The following FBXW4 variants were observed in gnomAD, a reference collection of about 807,000 sequenced individuals.
The protein encoded by FBXW4 is F-box/WD repeat-containing protein 4.
Under a neutral mutation model 61.8 loss-of-function variants are expected in FBXW4, and 40 were observed. The ratio of observed to expected loss-of-function variants is 0.65; its 90% CI spans 0.50 to 0.84. The LOEUF is 0.84. Among genes scored for constraint, FBXW4 ranks in the 40% least tolerant of loss-of-function variants. The pLI, the probability that FBXW4 is intolerant of heterozygous loss-of-function variation, is 0.00. For synonymous variants in FBXW4, 311 were observed against 313.8 expected (o/e 0.99, Z 0.10); for missense variants, 672 against 753.8 (o/e 0.89, Z 1.27).
chr10:101,612,498 T>C, intron 6 of FBXW4, 21 bp from the exon 7 acceptor site: 45 of 1,532,320 alleles, frequency 2.9e-5, no homozygotes, highest in Non-Finnish European at 3.9e-5. Context: ...AAGGACGGAG[T>C]GAGAGGCTGC....
At chr10:101,624,832 AAGTC>A in intron 5 of FBXW4, 22 bp from the exon 6 acceptor site, 1 of 1,614,110 alleles carries the variant, frequency 6.2e-7, no homozygotes, top group Non-Finnish European at 8.5e-7. Flanking sequence ...AAGGAGAACA[AAGTC>A]AGATCTGGCT....
intron 5 of FBXW4, among the ~76,000 whole-genome samples, chr10:101,657,393 G>A (rs1470386176): frequency 6.6e-6 from 1 of 152,220 alleles, no homozygotes; most frequent in Admixed American, 6.5e-5. Context: ...AACACTTTGG[G>A]AGGCCAAGGT....
At chr10:101,667,836 A>G in intron 5 of FBXW4, 50 bp downstream of exon 5, 1 of 1,487,196 alleles carries the variant, frequency 6.7e-7, no homozygotes, top group Non-Finnish European at 9.4e-7. Flanking sequence ...CTAGTAAAAT[A>G]AAAGCATTAT....
chr10:101,620,558 C>T (rs1198806534), intron 6 of FBXW4, among the ~76,000 whole-genome samples: 1 of 152,246 alleles, frequency 6.6e-6, no homozygotes, highest in East Asian at 1.9e-4. Context: ...AGCAGCAGAG[C>T]CCACAGGCTG....
At chr10:101,687,950 T>C (rs908116367) in intron 1 of FBXW4, among the ~76,000 whole-genome samples, 15 of 152,168 alleles carry the variant, frequency 9.9e-5, no homozygotes, top group Admixed American at 6.5e-5. Flanking sequence ...AATATCTCTC[T>C]TTGCTGAGGA....
intron 1 of FBXW4, among the ~76,000 whole-genome samples, chr10:101,681,610 G>A (rs2064477042): frequency 6.7e-6 from 1 of 149,742 alleles, no homozygotes; most frequent in Admixed American, 6.6e-5. Context: ...CCAGCTACTC[G>A]GAAGGCTGAG....
chr10:101,686,914 C>A (rs2064539845), intron 1 of FBXW4, among the ~76,000 whole-genome samples: 1 of 152,070 alleles, frequency 6.6e-6, no homozygotes, highest in Non-Finnish European at 1.5e-5. Flanking sequence ...ACACATACCA[C>A]CCATATCTGA....
chr10:101,676,866 T>C lies in FBXW4; in HGVS notation c.726-430A>G, dbSNP rs2064416002. Among the ~76,000 whole-genome samples the C allele has an allele frequency of 3.3e-5, 5 of 151,904 alleles. No homozygotes were observed. In the South Asian group the frequency reaches 6.2e-4, roughly 19 times the overall value. On this transcript the variant is annotated intron_variant, in intron 1 of 8. Transcript: ENST00000331272. ...AAAAACATCTCTCAGACTAAGAAGG[T>C]AGACATAGATTTCTTAGGACACAGA...
At chr10:101,612,544 A>T in intron 6 of FBXW4, 67 bp from the exon 7 acceptor site, 2 of 1,406,700 alleles carry the variant, frequency 1.4e-6, no homozygotes, top group Non-Finnish European at 1.9e-6. Flanking sequence ...CCACCTTCAG[A>T]AGGCATCAGA....
Position 101,681,718 on chromosome 10 carries a change from A to AAATAATAATAAT in FBXW4, c.726-5294_726-5283dup, listed in dbSNP as rs60453783. ...GGCGACAGAGCGAGACTCCGTCTCA[A>AAATAATAATAAT]AATAATAATAATAATAATAATAATA... is the stretch of plus-strand genomic sequence containing the variant. On this transcript the variant is annotated intron_variant, in intron 1 of 8. Transcript: ENST00000331272. Among the ~76,000 whole-genome samples the AAATAATAATAAT allele has an allele frequency of 5.6e-3, 796 of 143,388 alleles. 6 individuals carry two copies. The highest frequency in any genetic ancestry group is 0.015 in the East Asian group (75 of 4,860). The allele number at this position is 143,388 out of a possible 152,430, so 94.1% of individuals were successfully genotyped here.
intron 3 of FBXW4, 38 bp from the exon 4 acceptor site, chr10:101,673,085 T>A: frequency 6.3e-7 from 1 of 1,598,346 alleles, no homozygotes; most frequent in Non-Finnish European, 8.5e-7. Flanking sequence ...CAAGAACCAA[T>A]TATTCTTTCT....
At chr10:101,683,759 C>T (rs918727878) in intron 1 of FBXW4, among the ~76,000 whole-genome samples, 2 of 152,092 alleles carry the variant, frequency 1.3e-5, no homozygotes, top group African/African-American at 4.8e-5. Context: ...CATCTCACAG[C>T]TTGATTCCCC....
intron 5 of FBXW4, among the ~76,000 whole-genome samples, chr10:101,638,998 C>A (rs907640736): frequency 6.6e-6 from 1 of 152,210 alleles, no homozygotes. Context: ...TATCTATGTA[C>A]ACAATAGGTA....
chr10:101,660,044 C>A (rs955090373), intron 5 of FBXW4: 1 of 977,708 alleles, frequency 1.0e-6, no homozygotes, highest in Non-Finnish European at 1.2e-6. Flanking sequence ...GAATGGACTG[C>A]ACCCTTTCCT....
intron 5 of FBXW4, among the ~76,000 whole-genome samples, chr10:101,667,288 T>TA (rs2064312688): frequency 6.7e-6 from 1 of 148,318 alleles, no homozygotes; most frequent in Non-Finnish European, 1.5e-5. Context: ...TAAATAATAA[T>TA]AAAAAAGAGA....
chr10:101,695,003 T>C lies in FBXW4; in HGVS notation c.103A>G (p.Lys35Glu). 9.2e-7 allele frequency: 1 copy of C among 1,081,942 alleles called. No individual in the cohort carries two copies. Among genetic ancestry groups the C allele is most frequent in the Non-Finnish European group, 1.1e-6 (1 of 891,726 alleles). The allele number at this position is 1,081,942 out of a possible 1,614,324, so 67.0% of individuals were successfully genotyped here. The change falls in exon 1 of 9, where the codon AAG becomes GAG. Residue 35 changes from lysine to glutamate, a missense_variant. Lys to Glu is a moderately conservative substitution (Grantham distance 56). Transcript: ENST00000331272. The surrounding 1 kb of genome is among the most constrained non-coding windows in gnomAD (Gnocchi z 4.2). ...CCCTTCCCCTTCCCCTTCCTTCGCT[T>C]CCCCCTCGCCACCCTCCCTTCCTGC... ...KLQEGRVARG[K>E]RRKGKGKGKA... is the part of the protein sequence containing the mutation.
At chr10:101,649,466 TGGAAATATTAA>T (rs1376049771) in intron 5 of FBXW4, among the ~76,000 whole-genome samples, 1 of 152,052 alleles carries the variant, frequency 6.6e-6, no homozygotes, top group African/African-American at 2.4e-5. Context: ...GAACAACATT[TGGAAATATTAA>T]GGAAAAAAAA....
chr10:101,647,303 G>C (rs1283851636), intron 5 of FBXW4, among the ~76,000 whole-genome samples: 1 of 152,230 alleles, frequency 6.6e-6, no homozygotes, highest in African/African-American at 2.4e-5. Flanking sequence ...AGGCCTCAGA[G>C]TGCTGACCCT....
In FBXW4 at chr10:101,694,779, C is replaced by G. The variant is rs1051300595; in HGVS notation, c.327G>C (p.Gly109=). The change falls in exon 1 of 9, where the codon GGG becomes GGC. Residue 109 remains glycine, a synonymous_variant. Coordinates refer to ENST00000331272, the MANE Select transcript of FBXW4 (RefSeq NM_022039.4). This position sits in a 1 kb window ranked among gnomAD's most constrained non-coding sequence, Gnocchi z 6.0. ...CATACTCTCTTCCTTGTGCCTCCTTCCCGGCCCCTGCGCTCCCCTCGACTC... is the reference window on the plus strand; with the variant it reads ...CATACTCTCTTCCTTGTGCCTCCTTGCCGGCCCCTGCGCTCCCCTCGACTC... ...VKGVEGSAGA[G]KEAQGREYGK... 9.7e-5 allele frequency: 130 copies of G among 1,345,436 alleles called. No individual in the cohort carries two copies. The highest frequency in any genetic ancestry group is 1.1e-4 in the Non-Finnish European group (112 of 1,055,522). 83.3% of individuals were successfully genotyped at this position (1,345,436 alleles called of 1,614,324 possible).
Sources: gnomAD v4.1 joint callset for allele counts (sites outside exome capture counted in the v4.1 genomes callset) on GRCh38, gnomAD v4.1.1 for gene constraint, Gnocchi (gnomAD v3.1) non-coding constraint, MANE v1.5 for transcripts, NCBI Gene and HGNC (gene_info 2026-07-23, HGNC 2026-07-21) for gene names.